The following HADHA variants were observed in gnomAD, a reference collection of about 807,000 sequenced individuals.
The protein encoded by HADHA is trifunctional enzyme subunit alpha, mitochondrial.
In HADHA, 59 loss-of-function variants were observed where a neutral mutation model predicts 91.3. That is an observed-to-expected ratio of 0.65 (90% CI 0.52 to 0.80). The LOEUF (loss-of-function observed/expected upper bound fraction) is 0.80, where lower values mean the gene tolerates loss of function less well. Among genes scored for constraint, HADHA ranks in the 30% least tolerant of loss-of-function variants. HADHA has a pLI of 0.00. For synonymous variants in HADHA, 320 were observed against 338.9 expected (o/e 0.94, Z 0.61); for missense variants, 800 against 927.6 (o/e 0.86, Z 1.79).
At chr2:26,243,982 T>C (rs1670996911) in intron 1 of HADHA, among the ~76,000 whole-genome samples, 1 of 152,258 alleles carries the variant, frequency 6.6e-6, no homozygotes, top group African/African-American at 2.4e-5. Context: ...CACACTGACA[T>C]TACTGAAACT....
intron 18 of HADHA, among the ~76,000 whole-genome samples, chr2:26,192,101 G>C (rs762389411): frequency 1.3e-5 from 2 of 152,168 alleles, no homozygotes; most frequent in Non-Finnish European, 2.9e-5. Flanking sequence ...CACCATGCCA[G>C]CATCAGGAGT....
intron 13 of HADHA, chr2:26,199,230 T>C (rs189858349): frequency 6.6e-6 from 1 of 152,340 alleles, no homozygotes; most frequent in East Asian, 1.9e-4. Flanking sequence ...TAGCCAGGCA[T>C]GGTGGTACAT....
chr2:26,192,394 TA>T lies in HADHA; in HGVS notation c.1915del (p.Tyr639IlefsTer5). On this transcript the variant is annotated frameshift_variant, in exon 18 of 20. Coordinates refer to ENST00000380649, the MANE Select transcript of HADHA (RefSeq NM_000182.5). LOFTEE classifies it high-confidence loss of function. ...ATCCTTCCTCTTCACACCCTCCTGA[TA>T]GATGTAAAAGCCCTTCCCAGATTTA... ...GRKSGKGFYI[Y>X]QEGVKRKDLN... 6.2e-7 allele frequency: 1 copy of T among 1,605,598 alleles called. No homozygotes were observed. The highest frequency in any genetic ancestry group is 1.3e-5 in the African/African-American group (1 of 74,886).
intron 7 of HADHA, among the ~76,000 whole-genome samples, chr2:26,215,426 T>C (rs1670193451): frequency 6.6e-6 from 1 of 152,148 alleles, no homozygotes; most frequent in Non-Finnish European, 1.5e-5. Flanking sequence ...CTGAGTAGAA[T>C]GTAGTATGTA....
intron 7 of HADHA, among the ~76,000 whole-genome samples, chr2:26,218,232 G>A (rs1670284843): frequency 1.3e-5 from 2 of 151,834 alleles, no homozygotes; most frequent in African/African-American, 2.4e-5. Flanking sequence ...CCCGGGAGGT[G>A]GAAGTTTCAG....
intron 7 of HADHA, among the ~76,000 whole-genome samples, chr2:26,227,148 T>C (rs1238508403): frequency 1.3e-5 from 2 of 152,164 alleles, no homozygotes; most frequent in African/African-American, 4.8e-5. Flanking sequence ...CAGATGCTTC[T>C]TTATCAAATA....
intron 12 of HADHA, among the ~76,000 whole-genome samples, 198 bp downstream of exon 12, chr2:26,203,864 A>G (rs1330764028): frequency 1.3e-5 from 2 of 152,244 alleles, no homozygotes; most frequent in East Asian, 1.9e-4. Flanking sequence ...AACGAAGTCA[A>G]AGAAGGAATT....
At chr2:26,216,221 A>G (rs959671209) in intron 7 of HADHA, among the ~76,000 whole-genome samples, 1 of 152,110 alleles carries the variant, frequency 6.6e-6, no homozygotes, top group African/African-American at 2.4e-5. Flanking sequence ...CAAAATGGCA[A>G]TCTTGTGCAG....
rs755287314 is a variant in HADHA, at chr2:26,195,173, C to T, written c.1539G>A (p.Thr513=). 1.8e-5 allele frequency: 29 copies of T among 1,611,910 alleles called. No individual in the cohort carries two copies. In the Middle Eastern group the frequency reaches 9.9e-4, roughly 55 times the overall value. ...TGGTGTCTTTGGAAGTTTTCTCGGTCGTGATAATCTCCAGCAGCTGCATCT... is the reference window on the plus strand; with the variant it reads ...TGGTGTCTTTGGAAGTTTTCTCGGTTGTGATAATCTCCAGCAGCTGCATCT... ...VDKMQLLEII[T]TEKTSKDTSA... The change falls in exon 15 of 20, where the codon ACG becomes ACA. Residue 513 remains threonine (T), a synonymous_variant. Transcript: ENST00000380649.
In HADHA at chr2:26,214,487, T is replaced by A; in HGVS notation, c.874A>T (p.Lys292Ter). The A allele has an allele frequency of 6.2e-7, 1 of 1,605,360 alleles. No individual in the cohort carries two copies. Residue 292 changes from lysine (K) to a stop codon, truncating the protein, a stop_gained, in exon 9 of 20, where the codon AAG becomes TAG. Transcript: ENST00000380649. LOFTEE classifies it high-confidence loss of function. The surrounding 1 kb of genome is among the most constrained non-coding windows in gnomAD (Gnocchi z 4.1). The stretch of plus-strand genomic sequence containing the variant: ...GCAGGATAAAGGCCTTTAGTCTGCT[T>A]TCGCACTTTTTCTTCCACTTTTTTG... ...VYKKVEEKVR[K>*]QTKGLYPAPL...
intron 7 of HADHA, among the ~76,000 whole-genome samples, chr2:26,216,720 A>C (rs895564438): frequency 6.6e-6 from 1 of 152,166 alleles, no homozygotes; most frequent in Non-Finnish European, 1.5e-5. Flanking sequence ...GTCCTAACAC[A>C]GTCATAATCC....
At chr2:26,202,029 G>C (rs1669858994) in intron 12 of HADHA, among the ~76,000 whole-genome samples, 1 of 150,362 alleles carries the variant, frequency 6.7e-6, no homozygotes, top group Non-Finnish European at 1.5e-5. Flanking sequence ...TTGAACTCCT[G>C]ACCTCGTGTT....
chr2:26,220,928 GTC>G (rs1670358495), intron 7 of HADHA, among the ~76,000 whole-genome samples: 1 of 152,220 alleles, frequency 6.6e-6, no homozygotes, highest in Non-Finnish European at 1.5e-5. Flanking sequence ...TAAGACATGT[GTC>G]TGTCAGAAGG....
chr2:26,210,804 C>T lies in HADHA; in HGVS notation c.976-915G>A, dbSNP rs965657181. The T allele has an allele frequency of 3.2e-4, 49 of 152,272 alleles. No individual in the cohort carries two copies. Among genetic ancestry groups the T allele is most frequent in the African/African-American group, 1.1e-3 (47 of 41,546 alleles). The allele number at this position is 152,272 out of a possible 1,614,324, so 9.4% of individuals were successfully genotyped here. A position where few individuals can be genotyped will look rare whatever the true frequency, so the allele number is the denominator to read the frequency against. On this transcript the variant is annotated intron_variant, in intron 10 of 19. Transcript: ENST00000380649. This position sits in a 1 kb window ranked among gnomAD's most constrained non-coding sequence, Gnocchi z 4.0. The stretch of plus-strand genomic sequence containing the variant: ...TCTCTGCCACTGCCCCATTGTGAAG[C>T]TTTCTTCATCCTTAAAAATGGGAAA...
chr2:26,227,583 T>C (rs1424269134), intron 7 of HADHA, among the ~76,000 whole-genome samples: 1 of 151,830 alleles, frequency 6.6e-6, no homozygotes, highest in Non-Finnish European at 1.5e-5. Context: ...AGATTGACCA[T>C]GCAAAGTGGT....
chr2:26,230,091 G>T, intron 7 of HADHA, 101 bp downstream of exon 7: 1 of 748,704 alleles, frequency 1.3e-6, no homozygotes. Context: ...CCAAAGTGCT[G>T]GGATTACAGG....
intron 5 of HADHA, 49 bp downstream of exon 5, chr2:26,234,168 T>A (rs761053074): frequency 3.2e-6 from 5 of 1,562,820 alleles, no homozygotes; most frequent in Middle Eastern, 1.7e-4. Context: ...AGCTGATGAA[T>A]GCCACCAATG....
chr2:26,236,843 C>T lies in HADHA; in HGVS notation c.314+12G>A. 1 of 1,603,276 alleles carries T rather than the reference C, an allele frequency of 6.2e-7. No individual in the cohort carries two copies. Among genetic ancestry groups the T allele is most frequent in the Non-Finnish European group, 8.5e-7 (1 of 1,171,694 alleles). ...CAAGATAAAAGGTGACTTCAAGTTTCCTAAAACTTACTTGATATCAGCACC... is the reference window on the plus strand; with the variant it reads ...CAAGATAAAAGGTGACTTCAAGTTTTCTAAAACTTACTTGATATCAGCACC... On this transcript the variant is annotated intron_variant, in intron 4 of 19. Transcript: ENST00000380649.
At chr2:26,237,290 A>G (rs1034313223) in intron 3 of HADHA, among the ~76,000 whole-genome samples, 3 of 152,198 alleles carry the variant, frequency 2.0e-5, no homozygotes, top group Non-Finnish European at 2.9e-5. Context: ...ATTTATTGGC[A>G]TGGAAAAAAT....
Sources: gnomAD v4.1 joint callset for allele counts (sites outside exome capture counted in the v4.1 genomes callset) on GRCh38, gnomAD v4.1.1 for gene constraint, Gnocchi (gnomAD v3.1) non-coding constraint, MANE v1.5 for transcripts, NCBI Gene and HGNC (gene_info 2026-07-23, HGNC 2026-07-21) for gene names.